RORA: variants seen among roughly 807,000 people sequenced by gnomAD.
RORA encodes the protein nuclear receptor ROR-alpha.
In RORA, 7 loss-of-function variants were observed where a neutral mutation model predicts 69.5. That is an observed-to-expected ratio of 0.10 (90% CI 0.06 to 0.19). The LOEUF (loss-of-function observed/expected upper bound fraction) is 0.19. Ranked by LOEUF, RORA falls within the 10% of genes least tolerant of loss-of-function variation. The pLI is 1.00. For missense variants in RORA, 457 were observed against 663.0 expected (o/e 0.69, Z 3.41); for synonymous variants, 261 against 240.8 (o/e 1.08, Z -0.78).
chr15:60,579,863 G>A (rs1376348030), intron 2 of RORA, among the ~76,000 whole-genome samples: 2 of 152,048 alleles, frequency 1.3e-5, no homozygotes, highest in Non-Finnish European at 2.9e-5. Context: ...TCTGTTTACC[G>A]ATGCACTACT....
At chr15:61,159,571 G>A (rs1039676868) in intron 1 of RORA, among the ~76,000 whole-genome samples, 6 of 152,080 alleles carry the variant, frequency 3.9e-5, no homozygotes, top group Non-Finnish European at 7.4e-5. Flanking sequence ...AGCTTGTCAC[G>A]GAGGATATTT....
chr15:60,701,123 C>T (rs775677250), intron 1 of RORA, among the ~76,000 whole-genome samples: 12 of 152,200 alleles, frequency 7.9e-5, no homozygotes, highest in Non-Finnish European at 1.6e-4. Context: ...GTACATTCAT[C>T]CCTCACTATC....
chr15:60,852,328 G>T (rs1177580808), intron 1 of RORA, among the ~76,000 whole-genome samples: 1 of 152,180 alleles, frequency 6.6e-6, no homozygotes, highest in East Asian at 1.9e-4. Flanking sequence ...ATGTCCAGGG[G>T]TTGGCATCCT....
At chr15:60,642,349 G>A (rs1476868940) in intron 2 of RORA, among the ~76,000 whole-genome samples, 4 of 152,178 alleles carry the variant, frequency 2.6e-5, no homozygotes, top group Admixed American at 6.5e-5. Flanking sequence ...GTGCCATTCC[G>A]TGGGACAAAT....
At chr15:60,595,913 C>G (rs2068656446) in intron 2 of RORA, among the ~76,000 whole-genome samples, 1 of 152,150 alleles carries the variant, frequency 6.6e-6, no homozygotes, top group Non-Finnish European at 1.5e-5. Flanking sequence ...GTGCTGGGTT[C>G]CACACTGAGT....
intron 10 of RORA, among the ~76,000 whole-genome samples, 167 bp from the exon 11 acceptor site, chr15:60,497,786 C>T (rs2065206703): frequency 6.6e-6 from 1 of 152,054 alleles, no homozygotes; most frequent in Non-Finnish European, 1.5e-5. Flanking sequence ...TGGCTGGGCG[C>T]GGTGGCTCAT....
chr15:61,229,275 TTC>T lies in RORA; in HGVS notation c.-59_-58del. The T allele has an allele frequency of 8.0e-6, 6 of 745,678 alleles. No individual in the cohort carries two copies. Among genetic ancestry groups the T allele is most frequent in the Non-Finnish European group, 8.6e-6 (5 of 584,074 alleles). 46.2% of individuals were successfully genotyped at this position (745,678 alleles called of 1,614,324 possible). A position where few individuals can be genotyped will look rare whatever the true frequency, so the allele number is the denominator to read the frequency against. On this transcript the variant is annotated 5_prime_UTR_variant, in exon 1 of 11. Transcript: ENST00000335670. Reference sequence around the variant, plus strand: ...GGCGAGCTCCGAGACTCCCTCTATCTTCTGTTTTCAGAGCAACTCTATGGTAC... The same window carrying T: ...GGCGAGCTCCGAGACTCCCTCTATCTTGTTTTCAGAGCAACTCTATGGTAC...
intron 1 of RORA, among the ~76,000 whole-genome samples, chr15:61,127,356 G>A (rs1030669756): frequency 6.6e-6 from 1 of 152,144 alleles, no homozygotes; most frequent in Non-Finnish European, 1.5e-5. Context: ...ATTAAACACA[G>A]CATTTAAACT....
chr15:61,227,895 A>G (rs1009704403), intron 1 of RORA, among the ~76,000 whole-genome samples: 2 of 152,202 alleles, frequency 1.3e-5, no homozygotes, highest in Non-Finnish European at 2.9e-5. Flanking sequence ...TGCAAACTCC[A>G]GGCGCATTCA....
chr15:60,798,449 C>T lies in RORA; in HGVS notation c.167-119763G>A, dbSNP rs115193860. 6.3e-3 allele frequency among the ~76,000 whole-genome samples: 964 copies of T among 152,178 alleles called. 9 individuals are homozygous for T. Among genetic ancestry groups the T allele is most frequent in the African/African-American group, 0.021 (854 of 41,490 alleles). On this transcript the variant is annotated intron_variant, in intron 1 of 10. Coordinates refer to ENST00000335670, the MANE Select transcript of RORA (RefSeq NM_134261.3). The stretch of plus-strand genomic sequence containing the variant: ...TAGGACTCTACTTAGAATCCATGGA[C>T]TCTTATTTTAGAAATAACATGCTTA...
intron 1 of RORA, chr15:60,764,631 A>T (rs2071952614): frequency 6.6e-6 from 1 of 152,194 alleles, no homozygotes; most frequent in Non-Finnish European, 1.5e-5. Context: ...ACCTAATTAG[A>T]GATGATACTT....
At chr15:60,739,642 A>T (rs553931013) in intron 1 of RORA, among the ~76,000 whole-genome samples, 44 of 152,092 alleles carry the variant, frequency 2.9e-4, no homozygotes, top group Non-Finnish European at 5.4e-4. Context: ...GGACCAACTC[A>T]GTCTGGGGGA....
At chr15:60,986,954 A>T (rs954380840) in intron 1 of RORA, among the ~76,000 whole-genome samples, 2 of 152,166 alleles carry the variant, frequency 1.3e-5, no homozygotes, top group Middle Eastern at 3.4e-3. Context: ...GTTTTTTCAT[A>T]TGTTTGTTTG....
intron 1 of RORA, among the ~76,000 whole-genome samples, chr15:60,685,536 T>A (rs1221559325): frequency 6.6e-6 from 1 of 152,136 alleles, no homozygotes; most frequent in African/African-American, 2.4e-5. Flanking sequence ...AAAAAGAAAA[T>A]CTATGCACGA....
chr15:61,113,107 G>A (rs1414896102), intron 1 of RORA, among the ~76,000 whole-genome samples: 1 of 152,250 alleles, frequency 6.6e-6, no homozygotes, highest in Non-Finnish European at 1.5e-5. Flanking sequence ...GGGCTGTGCT[G>A]CATCTGGCTC....
At chr15:60,815,157 G>A (rs546855180) in intron 1 of RORA, among the ~76,000 whole-genome samples, 1 of 152,198 alleles carries the variant, frequency 6.6e-6, no homozygotes, top group African/African-American at 2.4e-5. Context: ...GAGTGGCCAG[G>A]TTTAATTAAC....
intron 5 of RORA, among the ~76,000 whole-genome samples, chr15:60,510,935 A>G (rs1292485968): frequency 6.6e-6 from 1 of 152,100 alleles, no homozygotes; most frequent in Non-Finnish European, 1.5e-5. Flanking sequence ...GTAAACCACT[A>G]ATGAAGTTAA....
intron 2 of RORA, among the ~76,000 whole-genome samples, chr15:60,636,511 G>C (rs1374897773): frequency 1.3e-5 from 2 of 152,082 alleles, no homozygotes; most frequent in African/African-American, 2.4e-5. Flanking sequence ...GTAGGTAATA[G>C]TACCACTCTT....
rs2080180165 is a variant in RORA at position 61,229,286 on chromosome 15, G to C, written c.-68C>G. 2.2e-5 allele frequency: 4 copies of C among 183,432 alleles called. No individual in the cohort carries two copies. The highest frequency in any genetic ancestry group is 3.2e-3 in the Middle Eastern group (1 of 310). The allele number at this position is 183,432 out of a possible 1,614,324, so 11.4% of individuals were successfully genotyped here. ...AGACTCCCTCTATCTTCTGTTTTCA[G>C]AGCAACTCTATGGTACCAAAAAAAA... On this transcript the variant is annotated 5_prime_UTR_variant, in exon 1 of 11. Coordinates refer to ENST00000335670, the MANE Select transcript of RORA (RefSeq NM_134261.3).
Sources: gnomAD v4.1 joint callset for allele counts (sites outside exome capture counted in the v4.1 genomes callset) on GRCh38, gnomAD v4.1.1 for gene constraint, MANE v1.5 for transcripts, NCBI Gene and HGNC (gene_info 2026-07-23, HGNC 2026-07-21) for gene names.